GRID1: variants seen among roughly 807,000 people sequenced by gnomAD.
GRID1 encodes glutamate ionotropic receptor delta type subunit 1.
GRID1 carries 28 observed loss-of-function variants against 98.0 expected under a neutral mutation model. The observed-to-expected ratio is 0.29, with a 90% CI of 0.21 to 0.39. The LOEUF (loss-of-function observed/expected upper bound fraction) is 0.39, where lower values mean the gene tolerates loss of function less well. Among genes scored for constraint, GRID1 ranks in the 10% least tolerant of loss-of-function variants. The pLI is 1.00. For missense variants in GRID1, 1,111 were observed against 1,340.5 expected, an observed-to-expected ratio of 0.83 and a Z score of 2.67; for synonymous variants, 553 against 538.5, an observed-to-expected ratio of 1.03 and a Z score of -0.37.
At chr10:86,075,969 C>G (rs1201721918) in intron 4 of GRID1, among the ~76,000 whole-genome samples, 1 of 152,198 alleles carries the variant, frequency 6.6e-6, no homozygotes, top group African/African-American at 2.4e-5. Flanking sequence ...ATGCTGGTAT[C>G]CCCAGCTCAT....
chr10:86,329,449 G>T (rs913137465), intron 2 of GRID1, among the ~76,000 whole-genome samples: 4 of 152,208 alleles, frequency 2.6e-5, no homozygotes, highest in African/African-American at 9.6e-5. Context: ...GAGGAAGGGG[G>T]CCCGCTGATG....
intron 4 of GRID1, among the ~76,000 whole-genome samples, chr10:85,930,660 CCTACCACAGAAACTT>C (rs1841839753): frequency 6.6e-6 from 1 of 151,844 alleles, no homozygotes; most frequent in African/African-American, 2.4e-5. Context: ...TGAAGCCCAT[CCTACCACAGAAACTT>C]CTTAAGCAAA....
At chr10:86,062,928 C>T (rs1423418481) in intron 4 of GRID1, among the ~76,000 whole-genome samples, 1 of 152,240 alleles carries the variant, frequency 6.6e-6, no homozygotes, top group African/African-American at 2.4e-5. Context: ...CAACAGGACC[C>T]CTCTCCCCTT....
chr10:85,748,660 C>T (rs140042133), intron 8 of GRID1, among the ~76,000 whole-genome samples: 221 of 152,194 alleles, frequency 1.5e-3, no homozygotes, highest in African/African-American at 5.0e-3. Flanking sequence ...GATAGCAGGT[C>T]CTCGTGAATT....
chr10:85,684,043 T>C (rs1191225396), intron 12 of GRID1, among the ~76,000 whole-genome samples: 1 of 152,214 alleles, frequency 6.6e-6, no homozygotes, highest in Non-Finnish European at 1.5e-5. Context: ...TATTTCCCTT[T>C]ACGTGGAAAC....
chr10:85,763,636 G>T (rs1420945826), intron 8 of GRID1, among the ~76,000 whole-genome samples: 1 of 152,202 alleles, frequency 6.6e-6, no homozygotes, highest in Admixed American at 6.5e-5. Flanking sequence ...ACTGGAAATG[G>T]ACAGCACAAA....
At chr10:86,133,211 A>C (rs544805195) in intron 4 of GRID1, among the ~76,000 whole-genome samples, 3 of 150,664 alleles carry the variant, frequency 2.0e-5, no homozygotes, top group African/African-American at 7.3e-5. Context: ...GCACAGGTGC[A>C]TGTGTTTGTG....
At chr10:86,002,824 G>A (rs1422633117) in intron 4 of GRID1, among the ~76,000 whole-genome samples, 1 of 152,196 alleles carries the variant, frequency 6.6e-6, no homozygotes, top group Admixed American at 6.5e-5. Flanking sequence ...TATTCCATCA[G>A]TAAATATTCA....
intron 5 of GRID1, among the ~76,000 whole-genome samples, chr10:85,879,288 A>G (rs1840962332): frequency 6.6e-6 from 1 of 152,130 alleles, no homozygotes; most frequent in South Asian, 2.1e-4. Flanking sequence ...ACATCTACAG[A>G]ACTCTCCACC....
chr10:85,687,502 T>C (rs905301108), intron 12 of GRID1, among the ~76,000 whole-genome samples: 5 of 152,102 alleles, frequency 3.3e-5, no homozygotes, highest in Non-Finnish European at 7.4e-5. Context: ...CGGTGGATCA[T>C]GCCTGTCATC....
intron 8 of GRID1, among the ~76,000 whole-genome samples, chr10:85,805,433 T>C (rs934368173): frequency 1.3e-5 from 2 of 151,692 alleles, no homozygotes; most frequent in Non-Finnish European, 3.0e-5. Context: ...CCTAAATTGG[T>C]CAAAAGATTT....
intron 4 of GRID1, among the ~76,000 whole-genome samples, chr10:86,067,823 G>T (rs568523354): frequency 6.6e-6 from 1 of 152,314 alleles, no homozygotes; most frequent in East Asian, 1.9e-4. Flanking sequence ...CTATGCCAGA[G>T]CTCCCCTTAA....
At chr10:85,919,510 TC>T (rs1011382076) in intron 4 of GRID1, among the ~76,000 whole-genome samples, 4 of 152,034 alleles carry the variant, frequency 2.6e-5, no homozygotes, top group Non-Finnish European at 5.9e-5. Flanking sequence ...CCTCCCCCTG[TC>T]CCCCATCAAC....
At chr10:86,118,672 T>G (rs1844621967) in intron 4 of GRID1, among the ~76,000 whole-genome samples, 1 of 152,122 alleles carries the variant, frequency 6.6e-6, no homozygotes, top group Non-Finnish European at 1.5e-5. Flanking sequence ...CATTTTTTAG[T>G]GGAGAAACCT....
At chr10:85,967,095 C>A (rs755585158) in intron 4 of GRID1, among the ~76,000 whole-genome samples, 3 of 152,210 alleles carry the variant, frequency 2.0e-5, no homozygotes, top group Non-Finnish European at 4.4e-5. Context: ...CTCTCACCTG[C>A]TGCCACGTAA....
intron 14 of GRID1, among the ~76,000 whole-genome samples, chr10:85,618,950 C>A (rs1289032472): frequency 6.6e-6 from 1 of 152,198 alleles, no homozygotes; most frequent in East Asian, 1.9e-4. Context: ...TACTGAAATT[C>A]ATGCATTAAT....
At chr10:86,125,898 C>A (rs1336227581) in intron 4 of GRID1, among the ~76,000 whole-genome samples, 3 of 152,210 alleles carry the variant, frequency 2.0e-5, no homozygotes, top group Non-Finnish European at 4.4e-5. Context: ...ATACCTATAA[C>A]ATACAAAATT....
At chr10:86,130,519 G>GGAGAGGAGAGAAGGAGCATCTGAATGTC (rs1844819431) in intron 4 of GRID1, among the ~76,000 whole-genome samples, 1 of 152,228 alleles carries the variant, frequency 6.6e-6, no homozygotes, top group Non-Finnish European at 1.5e-5. Flanking sequence ...CAGTAGAGAA[G>GGAGAGGAGAGAAGGAGCATCTGAATGTC]GAGAGGAGAG....
chr10:85,849,289 G>A (rs541010159), intron 8 of GRID1, among the ~76,000 whole-genome samples: 4 of 152,306 alleles, frequency 2.6e-5, no homozygotes, highest in African/African-American at 7.2e-5. Context: ...ACAAAGAGCA[G>A]TTATTACTCA....
Sources: allele counts gnomAD v4.1 joint callset (sites outside exome capture counted in the v4.1 genomes callset), GRCh38; gene constraint gnomAD v4.1.1; transcripts MANE v1.5; gene names NCBI Gene and HGNC (gene_info 2026-07-23, HGNC 2026-07-21).